The following CDH17 variants were observed in gnomAD, a reference collection of about 807,000 sequenced individuals.
CDH17 encodes the protein cadherin 17, also known as cadherin-17.
CDH17 carries 67 observed loss-of-function variants against 86.3 expected under a neutral mutation model. That is an observed-to-expected ratio of 0.78 (90% confidence interval 0.64 to 0.95). The LOEUF (loss-of-function observed/expected upper bound fraction) is 0.95. CDH17 is among the 40% of genes least tolerant of loss of function. The pLI is 0.00. For synonymous variants in CDH17, 367 were observed against 366.4 expected (o/e 1.00, Z -0.02); for missense variants, 993 against 1,017.6 (o/e 0.98, Z 0.33).
In CDH17 at chr8:94,194,632, T is replaced by C; in HGVS notation, c.51+3A>G. The C allele has an allele frequency of 6.3e-7, 1 of 1,593,006 alleles. No homozygotes were observed. Among genetic ancestry groups the C allele is most frequent in the Non-Finnish European group, 8.6e-7 (1 of 1,162,518 alleles). On this transcript the variant is annotated splice_donor_region_variant and intron_variant, in intron 2 of 17. Coordinates refer to ENST00000027335, the MANE Select transcript of CDH17 (RefSeq NM_004063.4). The stretch of plus-strand genomic sequence containing the variant: ...AATAGAGAAGAACACCCTCTTCTCT[T>C]ACCAAATAAAGCATAAGAAGACACA...
Position 94,160,089 on chromosome 8 carries a change from T to C in CDH17, c.1433A>G (p.Asp478Gly). The C allele has an allele frequency of 6.2e-7, 1 of 1,613,982 alleles. No homozygotes were observed. Among genetic ancestry groups the C allele is most frequent in the Non-Finnish European group, 8.5e-7 (1 of 1,179,912 alleles). ...TILTIQATDA[D>G]EPFTGSSKIL... is the part of the protein sequence containing the mutation. ...TTTAGAACTCCCAGTAAATGGCTCA[T>C]CAGCATCAGTGGCCTGGATGGTTAA... Residue 478 changes from aspartate to glycine, a missense_variant, in exon 12 of 18, where the codon GAT becomes GGT. Coordinates refer to ENST00000027335, the MANE Select transcript of CDH17 (RefSeq NM_004063.4).
At chr8:94,193,954 G>A (rs1321722906) in intron 2 of CDH17, among the ~76,000 whole-genome samples, 2 of 149,970 alleles carry the variant, frequency 1.3e-5, no homozygotes, top group East Asian at 3.9e-4. Flanking sequence ...AAAAAAAAAA[G>A]AGAGCAAATG....
rs572433891 is a variant in CDH17, at chr8:94,132,825, T to C, written c.2168-1833A>G. ...GTCTAACATTTAAGTCTTTAATCCA[T>C]CTTGAATTAATTTTTGTGTAAGGTG... On this transcript the variant is annotated intron_variant, in intron 15 of 17. Transcript: ENST00000027335. Among the ~76,000 whole-genome samples, 328 of 152,348 alleles carry C rather than the reference T, an allele frequency of 2.2e-3. 1 individual carries two copies. The highest frequency in any genetic ancestry group is 7.6e-3 in the African/African-American group (318 of 41,578).
At chr8:94,185,251 A>C (rs1323004265) in intron 3 of CDH17, among the ~76,000 whole-genome samples, 2 of 148,628 alleles carry the variant, frequency 1.3e-5, no homozygotes, top group South Asian at 4.2e-4. Flanking sequence ...CTACTCTGTC[A>C]TCCCAACCCC....
At chr8:94,143,670 A>G (rs779685274) in intron 15 of CDH17, among the ~76,000 whole-genome samples, 2 of 152,174 alleles carry the variant, frequency 1.3e-5, no homozygotes, top group Non-Finnish European at 2.9e-5. Context: ...TTCTGCATCA[A>G]TTTGCTGCAT....
intron 1 of CDH17, chr8:94,202,854 T>A (rs1463827328): frequency 4.8e-6 from 1 of 207,850 alleles, no homozygotes; most frequent in East Asian, 1.3e-4. Flanking sequence ...AAGTACCTCC[T>A]CTCGTACATG....
rs772810923 is a variant in CDH17, at chr8:94,165,678, T to G, written c.1282+83A>C. 24 of 906,096 alleles carry G rather than the reference T, an allele frequency of 2.6e-5. 1 individual carries two copies. Among genetic ancestry groups the G allele is most frequent in the African/African-American group, 4.9e-5 (3 of 61,360 alleles). The allele number at this position is 906,096 out of a possible 1,614,324, so 56.1% of individuals were successfully genotyped here. On this transcript the variant is annotated intron_variant, in intron 10 of 17. Transcript: ENST00000027335. ...GTTTAAATGGCATCATTCTATAACA[T>G]ACCAGACATTAGCGCAGGAAAATAA...
chr8:94,165,007 G>A (rs1057491297), intron 10 of CDH17, among the ~76,000 whole-genome samples: 5 of 152,170 alleles, frequency 3.3e-5, no homozygotes, highest in African/African-American at 9.7e-5. Flanking sequence ...AAGCTGTTAG[G>A]GTAAGATAGA....
chr8:94,205,711 A>G (rs1352359029), intron 1 of CDH17, among the ~76,000 whole-genome samples: 1 of 151,916 alleles, frequency 6.6e-6, no homozygotes, highest in African/African-American at 2.4e-5. Context: ...TTTTTTAATC[A>G]TTGGAATTGT....
At chr8:94,215,700 T>C (rs1814183084) in intron 1 of CDH17, among the ~76,000 whole-genome samples, 1 of 152,180 alleles carries the variant, frequency 6.6e-6, no homozygotes, top group Non-Finnish European at 1.5e-5. Context: ...CTGCAACTAA[T>C]GCATATTCAC....
At chr8:94,200,532 C>CT (rs1387182561) in intron 1 of CDH17, among the ~76,000 whole-genome samples, 3,422 of 50,026 alleles carry the variant, frequency 0.068, 536 homozygotes, top group Non-Finnish European at 0.095. Context: ...TTATTATTAT[C>CT]TTTTGTTTTT....
chr8:94,149,085 T>G (rs1812809711), intron 13 of CDH17, among the ~76,000 whole-genome samples: 1 of 152,208 alleles, frequency 6.6e-6, no homozygotes, highest in Admixed American at 6.5e-5. Flanking sequence ...TATTAATGCT[T>G]TATTTGCATT....
chr8:94,207,998 C>T (rs1253786263), intron 1 of CDH17, among the ~76,000 whole-genome samples: 5 of 152,162 alleles, frequency 3.3e-5, no homozygotes, highest in Non-Finnish European at 7.3e-5. Flanking sequence ...TGCATGTTCC[C>T]TCCCTTGCTG....
At chr8:94,175,219 T>C (rs1813349477) in intron 5 of CDH17, among the ~76,000 whole-genome samples, 1 of 152,142 alleles carries the variant, frequency 6.6e-6, no homozygotes, top group African/African-American at 2.4e-5. Flanking sequence ...CTCAGTAAAT[T>C]TTAAGAGAAT....
chr8:94,170,337 C>A, intron 9 of CDH17, 60 bp downstream of exon 9: 1 of 1,560,988 alleles, frequency 6.4e-7, no homozygotes, highest in Non-Finnish European at 8.7e-7. Context: ...TCACCTTTTA[C>A]CCAGCAGAGG....
At position 94,158,529 on chromosome 8, in the gene CDH17, A is replaced by C. The variant is rs571521398; in HGVS notation, c.1551+1442T>G. 9.2e-5 allele frequency among the ~76,000 whole-genome samples: 14 copies of C among 152,274 alleles called. No individual in the cohort carries two copies. In the South Asian group the frequency reaches 2.7e-3, roughly 29 times the overall value. On this transcript the variant is annotated intron_variant, in intron 12 of 17. Coordinates refer to ENST00000027335, the MANE Select transcript of CDH17 (RefSeq NM_004063.4). ...TCCTAGAGAGCTCTGGTCCTGCAAA[A>C]GGATAAAAGGAAGCTGCCCCCGTCA...
chr8:94,216,342 T>G (rs1325254342), intron 1 of CDH17, among the ~76,000 whole-genome samples: 1 of 152,094 alleles, frequency 6.6e-6, no homozygotes, highest in Admixed American at 6.5e-5. Context: ...CAGCCCACAG[T>G]GCAGTGGAGG....
At chr8:94,183,340 A>G (rs1447512100) in intron 3 of CDH17, among the ~76,000 whole-genome samples, 1 of 152,150 alleles carries the variant, frequency 6.6e-6, no homozygotes. Context: ...TTCAAAATTT[A>G]CTACAAAGGT....
intron 9 of CDH17, among the ~76,000 whole-genome samples, chr8:94,168,755 C>T (rs374145767): frequency 2.0e-5 from 3 of 152,092 alleles, no homozygotes; most frequent in African/African-American, 4.8e-5. Flanking sequence ...ATGAGGTAGG[C>T]GCCTCGAAAA....
Sources: allele counts gnomAD v4.1 joint callset (sites outside exome capture counted in the v4.1 genomes callset), GRCh38; gene constraint gnomAD v4.1.1; transcripts MANE v1.5; gene names NCBI Gene and HGNC (gene_info 2026-07-23, HGNC 2026-07-21).